PGM2L1: variants seen among roughly 807,000 people sequenced by gnomAD.
PGM2L1 encodes phosphoglucomutase 2 like 1, also known as glucose 1,6-bisphosphate synthase.
In PGM2L1, 35 loss-of-function variants were observed where a neutral mutation model predicts 73.4. The ratio of observed to expected loss-of-function variants is 0.48; its 90% CI spans 0.36 to 0.63. The LOEUF is 0.63. Among genes scored for constraint, PGM2L1 ranks in the 30% least tolerant of loss-of-function variants. The pLI, the probability that PGM2L1 is intolerant of heterozygous loss-of-function variation, is 0.00. For synonymous variants in PGM2L1, 225 were observed against 253.8 expected (o/e 0.89, Z 1.08); for missense variants, 570 against 742.0 (o/e 0.77, Z 2.69).
At chr11:74,373,809 A>C (rs774682872) in intron 2 of PGM2L1, among the ~76,000 whole-genome samples, 3 of 152,204 alleles carry the variant, frequency 2.0e-5, no homozygotes, top group Admixed American at 6.5e-5. Context: ...GGATATGCTA[A>C]TATACATTTC....
chr11:74,345,685 T>C, intron 8 of PGM2L1, 36 bp from the exon 9 acceptor site: 1 of 1,578,558 alleles, frequency 6.3e-7, no homozygotes, highest in Non-Finnish European at 8.6e-7. Context: ...TCAAGACCTT[T>C]CTTCTCATTA....
chr11:74,370,920 A>G lies in PGM2L1; in HGVS notation c.453T>C (p.Tyr151=), dbSNP rs770910075. 1.2e-6 allele frequency: 2 copies of G among 1,612,234 alleles called. No homozygotes were observed. The highest frequency in any genetic ancestry group is 1.3e-5 in the African/African-American group (1 of 75,002). ...CACTTACTACAAAAGGTGTAGGAAC[A>G]TATCTTGAAAAAAGGTACACAGGAA... The part of the protein sequence containing the change: ...KDVPVYLFSR[Y]VPTPFVPYAV... Residue 151 remains tyrosine (Y), a synonymous_variant, in exon 4 of 14, where the codon TAT becomes TAC. Transcript: ENST00000298198.
intron 5 of PGM2L1, chr11:74,354,712 T>C: frequency 9.1e-7 from 1 of 1,094,294 alleles, no homozygotes; most frequent in Non-Finnish European, 1.4e-6. Flanking sequence ...GAGAGCTGTT[T>C]CAAGAGAAAA....
intron 1 of PGM2L1, among the ~76,000 whole-genome samples, chr11:74,378,914 T>C (rs1862898476): frequency 6.6e-6 from 1 of 152,204 alleles, no homozygotes; most frequent in South Asian, 2.1e-4. Flanking sequence ...ATTTTGAACT[T>C]GCCCAAGTTT....
chr11:74,395,780 T>C (rs1290090823), intron 1 of PGM2L1, among the ~76,000 whole-genome samples: 1 of 151,978 alleles, frequency 6.6e-6, no homozygotes, highest in Non-Finnish European at 1.5e-5. Flanking sequence ...CGTTTACTCC[T>C]ACTTTTGAAC....
rs1373213114 is a variant in PGM2L1 at position 74,342,764 on chromosome 11, C to G, written c.1443-114G>C. The G allele has an allele frequency of 5.8e-6, 8 of 1,376,006 alleles. No individual in the cohort carries two copies. In the East Asian group the frequency reaches 1.9e-4, roughly 33 times the overall value. 85.2% of individuals were successfully genotyped at this position (1,376,006 alleles called of 1,614,324 possible). ...TTATACAAAGTGGCAGTCCTTAATTCACATAATTTTAATACTTTTTAAAAA... is the reference window on the plus strand; with the variant it reads ...TTATACAAAGTGGCAGTCCTTAATTGACATAATTTTAATACTTTTTAAAAA... On this transcript the variant is annotated intron_variant, in intron 11 of 13. Coordinates refer to ENST00000298198, the MANE Select transcript of PGM2L1 (RefSeq NM_173582.6).
At chr11:74,342,336 A>G in intron 12 of PGM2L1, 125 bp downstream of exon 12, 1 of 751,522 alleles carries the variant, frequency 1.3e-6, no homozygotes, top group Admixed American at 3.8e-5. Flanking sequence ...TCACCTTTAT[A>G]ATAAACTGGT....
At chr11:74,348,086 C>G (rs886139132) in intron 6 of PGM2L1, among the ~76,000 whole-genome samples, 1 of 152,122 alleles carries the variant, frequency 6.6e-6, no homozygotes, top group Non-Finnish European at 1.5e-5. Flanking sequence ...CATATTTTTT[C>G]CTTCTTCCAT....
chr11:74,379,649 C>T (rs796158664), intron 1 of PGM2L1, among the ~76,000 whole-genome samples: 1 of 151,956 alleles, frequency 6.6e-6, no homozygotes, highest in Non-Finnish European at 1.5e-5. Flanking sequence ...TCAGGCTGGG[C>T]GCGGTGGCTT....
intron 1 of PGM2L1, among the ~76,000 whole-genome samples, chr11:74,394,840 C>G (rs1304456396): frequency 6.6e-6 from 1 of 152,040 alleles, no homozygotes; most frequent in East Asian, 1.9e-4. Context: ...AAATTGACCT[C>G]TAATCAATTT....
At chr11:74,339,625 A>G (rs943803892) in intron 12 of PGM2L1, among the ~76,000 whole-genome samples, 1 of 152,138 alleles carries the variant, frequency 6.6e-6, no homozygotes, top group Non-Finnish European at 1.5e-5. Context: ...CACTGCTCCT[A>G]TATTGAATTC....
At chr11:74,351,766 TC>T (rs1181782784) in intron 5 of PGM2L1, among the ~76,000 whole-genome samples, 190 bp from the exon 6 acceptor site, 1 of 150,374 alleles carries the variant, frequency 6.7e-6, no homozygotes, top group Non-Finnish European at 1.5e-5. Context: ...ATCGAGACCA[TC>T]CTGGCTAACG....
In PGM2L1 at chr11:74,330,594, C is replaced by G. The variant is rs896368342; in HGVS notation, c.*6058G>C. 4 of 152,566 alleles carry G rather than the reference C, an allele frequency of 2.6e-5. No homozygotes were observed. The highest frequency in any genetic ancestry group is 5.9e-5 in the Non-Finnish European group (4 of 68,016). The allele number at this position is 152,566 out of a possible 1,614,324, so 9.5% of individuals were successfully genotyped here. A position where few individuals can be genotyped will look rare whatever the true frequency, so the allele number is the denominator to read the frequency against. On this transcript the variant is annotated 3_prime_UTR_variant, in exon 14 of 14. Transcript: ENST00000298198. Reference sequence around the variant, plus strand: ...GAGGCATACAAAGAGTTTATTCTAGCCTAGAACAACAAGGCCTCACCATAC... The same window carrying G: ...GAGGCATACAAAGAGTTTATTCTAGGCTAGAACAACAAGGCCTCACCATAC...
At chr11:74,337,033 G>T (rs1483571353) in intron 13 of PGM2L1, among the ~76,000 whole-genome samples, 1 of 152,158 alleles carries the variant, frequency 6.6e-6, no homozygotes, top group Non-Finnish European at 1.5e-5. Flanking sequence ...CCTGGGTCAG[G>T]AGAATGAGGT....
Position 74,374,401 on chromosome 11 carries a change from T to C in PGM2L1, c.279+14A>G. The stretch of plus-strand genomic sequence containing the variant: ...CCAGTCAAAAGTACACTCTTAATAC[T>C]TTATAATACTTACCTGTGTTGACTG... On this transcript the variant is annotated intron_variant, in intron 2 of 13. Transcript: ENST00000298198. The C allele has an allele frequency of 6.3e-7, 1 of 1,593,672 alleles. No individual in the cohort carries two copies. The highest frequency in any genetic ancestry group is 8.6e-7 in the Non-Finnish European group (1 of 1,166,502).
chr11:74,345,970 C>T (rs975285052), intron 8 of PGM2L1, among the ~76,000 whole-genome samples: 1 of 151,660 alleles, frequency 6.6e-6, no homozygotes, highest in Non-Finnish European at 1.5e-5. Flanking sequence ...CATAGCAGCC[C>T]AGAGGACTAA....
intron 1 of PGM2L1, among the ~76,000 whole-genome samples, chr11:74,384,308 T>G (rs191787379): frequency 5.5e-4 from 83 of 152,252 alleles, no homozygotes; most frequent in Admixed American, 2.9e-3. Context: ...TTTTAAAAAT[T>G]TACTTTTTGT....
chr11:74,359,193 C>G (rs986873386), intron 5 of PGM2L1, among the ~76,000 whole-genome samples: 2 of 152,034 alleles, frequency 1.3e-5, no homozygotes, highest in African/African-American at 4.8e-5. Context: ...TGTAATCAAT[C>G]CTTTATTGAT....
intron 1 of PGM2L1, among the ~76,000 whole-genome samples, chr11:74,379,186 A>G (rs1274871424): frequency 2.0e-5 from 3 of 152,202 alleles, no homozygotes; most frequent in South Asian, 4.1e-4. Flanking sequence ...GCTTTTAGTC[A>G]TCGCAGAAGG....
Sources: allele counts gnomAD v4.1 joint callset (sites outside exome capture counted in the v4.1 genomes callset), GRCh38; gene constraint gnomAD v4.1.1; transcripts MANE v1.5; gene names NCBI Gene and HGNC (gene_info 2026-07-23, HGNC 2026-07-21).